The following CAMSAP2 variants were observed in gnomAD, a reference collection of about 807,000 sequenced individuals.
The protein encoded by CAMSAP2 is calmodulin regulated spectrin associated protein family member 2, also known as calmodulin-regulated spectrin-associated protein 2.
CAMSAP2 carries 26 observed loss-of-function variants against 146.1 expected under a neutral mutation model. That is an observed-to-expected ratio of 0.18 (90% CI 0.13 to 0.25). CAMSAP2 has a LOEUF of 0.25. Ranked by LOEUF, CAMSAP2 falls within the 10% of genes least tolerant of loss-of-function variation. The pLI is 1.00. For synonymous variants in CAMSAP2, 499 were observed against 596.6 expected (o/e 0.84, Z 2.38); for missense variants, 1,381 against 1,759.3 (o/e 0.78, Z 3.85).
chr1:200,857,908 G>T lies in CAMSAP2; in HGVS notation c.4286G>T (p.Gly1429Val). 6.2e-7 allele frequency: 1 copy of T among 1,613,772 alleles called. No individual in the cohort carries two copies. Among genetic ancestry groups the T allele is most frequent in the Non-Finnish European group, 8.5e-7 (1 of 1,179,814 alleles). The change falls in exon 17 of 17, where the codon GGA becomes GTA. Residue 1429 changes from glycine (G) to valine (V), a missense_variant. By Grantham distance (109) the Gly-to-Val change is moderately radical. Coordinates refer to ENST00000358823, the MANE Select transcript of CAMSAP2 (RefSeq NM_203459.4). The surrounding 1 kb of genome is among the most constrained non-coding windows in gnomAD (Gnocchi z 4.7). Reference protein sequence around the residue: ...PKSITKKMIEGLYKYNSDRKQ... With the variant: ...PKSITKKMIEVLYKYNSDRKQ... ...TCTATCACTAAAAAAATGATTGAAG[G>T]ACTTTACAAATATAATTCTGACAGG...
chr1:200,850,859 A>C (rs1382132919), intron 11 of CAMSAP2, among the ~76,000 whole-genome samples: 1 of 152,210 alleles, frequency 6.6e-6, no homozygotes, highest in Non-Finnish European at 1.5e-5. Flanking sequence ...CATAGCTCCA[A>C]TTGAGTCTCT....
In CAMSAP2 at chr1:200,848,753, A is replaced by G; in HGVS notation, c.1984A>G (p.Ser662Gly). The change falls in exon 11 of 17, where the codon AGT (serine) becomes GGT (glycine). Residue 662 changes from serine to glycine, a missense_variant. Physicochemically the swap from Ser to Gly is moderately conservative, Grantham distance 56. Around this residue, in one of 4 missense-constraint regions of CAMSAP2, gnomAD observed 447 missense variants for 462.2 expected, o/e 0.97. Transcript: ENST00000358823. ...IRTGNTREAL[S>G]PCPSTVSTKS... ...AACTGGCAACACCAGGGAAGCTTTG[A>G]GTCCTTGTCCAAGTACTGTAAGTAC... is the stretch of plus-strand genomic sequence containing the variant. The G allele has an allele frequency of 6.2e-7, 1 of 1,614,206 alleles. No individual in the cohort carries two copies. Among genetic ancestry groups the G allele is most frequent in the Non-Finnish European group, 8.5e-7 (1 of 1,180,016 alleles).
chr1:200,794,461 A>G (rs1343283119), intron 2 of CAMSAP2, among the ~76,000 whole-genome samples: 1 of 152,236 alleles, frequency 6.6e-6, no homozygotes, highest in Non-Finnish European at 1.5e-5. Flanking sequence ...TTTAGAAACC[A>G]TGATCTGGGG....
rs1256240999 is a variant in CAMSAP2, at chr1:200,857,108, T to C, written c.4013-198T>C. 3.3e-5 allele frequency among the ~76,000 whole-genome samples: 5 copies of C among 152,282 alleles called. No homozygotes were observed. Among genetic ancestry groups the C allele is most frequent in the African/African-American group, 9.6e-5 (4 of 41,566 alleles). On this transcript the variant is annotated intron_variant, in intron 15 of 16. Coordinates refer to ENST00000358823, the MANE Select transcript of CAMSAP2 (RefSeq NM_203459.4). This position sits in a 1 kb window ranked among gnomAD's most constrained non-coding sequence, Gnocchi z 4.7. ...TCTCACAGGGTACTCCAAAAGGCCA[T>C]AGGAACATCCTCCATATCTCTGGGT...
chr1:200,799,722 ATTTG>A (rs746341321), intron 2 of CAMSAP2, among the ~76,000 whole-genome samples: 18 of 151,696 alleles, frequency 1.2e-4, no homozygotes, highest in Admixed American at 2.0e-4. Context: ...TAAGTTTTGA[ATTTG>A]TTTGTTCTTG....
chr1:200,856,381 T>G (rs1364466491), intron 15 of CAMSAP2, among the ~76,000 whole-genome samples: 1 of 152,168 alleles, frequency 6.6e-6, no homozygotes, highest in Non-Finnish European at 1.5e-5. Context: ...TTTAGAGAAG[T>G]TCTACATAGT....
At chr1:200,793,029 TGAAAA>T (rs1322148264) in intron 2 of CAMSAP2, among the ~76,000 whole-genome samples, 9 of 152,174 alleles carry the variant, frequency 5.9e-5, no homozygotes, top group East Asian at 1.9e-4. Context: ...ATTTTTAAGA[TGAAAA>T]GAAAATGCTA....
intron 1 of CAMSAP2, among the ~76,000 whole-genome samples, chr1:200,745,383 T>C (rs927249342): frequency 6.6e-6 from 1 of 151,870 alleles, no homozygotes; most frequent in African/African-American, 2.4e-5. Flanking sequence ...TATTGTGATC[T>C]AAAAAGGTTT....
In CAMSAP2 at chr1:200,859,641, G is replaced by A. The variant is rs1410551826; in HGVS notation, c.*1582G>A. 6.6e-6 allele frequency: 1 copy of A among 152,132 alleles called. No homozygotes were observed. The highest frequency in any genetic ancestry group is 1.5e-5 in the Non-Finnish European group (1 of 67,894). 9.4% of individuals were successfully genotyped at this position (152,132 alleles called of 1,614,324 possible). On this transcript the variant is annotated 3_prime_UTR_variant, in exon 17 of 17. Transcript: ENST00000358823. ...TCCAATACCTGTGCAAGATACATGT[G>A]TAGCTCAAAACTATTTGTGATCTAC...
At chr1:200,840,792 C>T (rs948105046) in intron 6 of CAMSAP2, among the ~76,000 whole-genome samples, 8 of 151,976 alleles carry the variant, frequency 5.3e-5, no homozygotes, top group Non-Finnish European at 1.2e-4. Flanking sequence ...GAAATAAGAC[C>T]TTATTAAACA....
rs749230784 is a variant in CAMSAP2, at chr1:200,854,847, C to T, written c.3854C>T (p.Thr1285Met). 22 of 1,611,558 alleles carry T rather than the reference C, an allele frequency of 1.4e-5. No homozygotes were observed. The South Asian group carries it at 1.4e-4, about 10-fold the overall frequency. ...AGCCTTTCTTTGGCATCGCTGAACA[C>T]GGGTGATAACGAGAGTGTACATTCA... is the stretch of plus-strand genomic sequence containing the variant. ...VSSLSLASLN[T>M]GDNESVHSGK... The change falls in exon 14 of 17, where the codon ACG (threonine) becomes ATG (methionine). Residue 1285 changes from threonine to methionine, a missense_variant. Transcript: ENST00000358823.
At chr1:200,749,332 C>A (rs1386057771) in intron 1 of CAMSAP2, among the ~76,000 whole-genome samples, 3 of 152,166 alleles carry the variant, frequency 2.0e-5, no homozygotes, top group African/African-American at 4.8e-5. Context: ...CTGATGATAG[C>A]CATGGGCATT....
chr1:200,844,625 C>T lies in CAMSAP2; in HGVS notation c.1022-157C>T, dbSNP rs532230901. Reference sequence around the variant, plus strand: ...AAAAAGATCTTAAAGAAACTTGACCCTTTGAAAATTATTTAAGAAGAAAAC... The same window carrying T: ...AAAAAGATCTTAAAGAAACTTGACCTTTTGAAAATTATTTAAGAAGAAAAC... On this transcript the variant is annotated intron_variant, in intron 7 of 16. Transcript: ENST00000358823. Among the ~76,000 whole-genome samples the T allele has an allele frequency of 3.3e-5, 5 of 152,214 alleles. No homozygotes were observed. In the South Asian group the frequency reaches 6.2e-4, roughly 19 times the overall value.
At chr1:200,817,039 TAC>T (rs1558191658) in intron 4 of CAMSAP2, among the ~76,000 whole-genome samples, 1 of 140,340 alleles carries the variant, frequency 7.1e-6, no homozygotes, top group Non-Finnish European at 1.6e-5. Flanking sequence ...TATACCCACA[TAC>T]ACACGTGTAT....
chr1:200,843,540 TA>T (rs964868237), intron 7 of CAMSAP2, among the ~76,000 whole-genome samples: 14 of 152,320 alleles, frequency 9.2e-5, no homozygotes, highest in African/African-American at 3.1e-4. Context: ...GTATAATTTT[TA>T]AAAATTATTA....
intron 6 of CAMSAP2, 26 bp from the exon 7 acceptor site, chr1:200,841,968 G>C (rs745760020): frequency 6.6e-7 from 1 of 1,506,666 alleles, no homozygotes. Context: ...ACCTAATGTA[G>C]GCTTTCTCTT....
At chr1:200,769,446 C>T (rs1161992603) in intron 2 of CAMSAP2, among the ~76,000 whole-genome samples, 2 of 152,152 alleles carry the variant, frequency 1.3e-5, no homozygotes, top group African/African-American at 4.8e-5. Context: ...CCAACATTAT[C>T]TACCTGGAGA....
chr1:200,792,232 A>G (rs1665774221), intron 2 of CAMSAP2, among the ~76,000 whole-genome samples: 1 of 152,246 alleles, frequency 6.6e-6, no homozygotes, highest in Admixed American at 6.5e-5. Flanking sequence ...TACATTTACA[A>G]AAGTGTTTAT....
At chr1:200,834,339 G>A (rs1262615026) in intron 6 of CAMSAP2, among the ~76,000 whole-genome samples, 2 of 151,850 alleles carry the variant, frequency 1.3e-5, no homozygotes, top group Non-Finnish European at 2.9e-5. Context: ...TTCCAGCCTG[G>A]GTGACAGAAT....
Sources: gnomAD v4.1 joint callset for allele counts (sites outside exome capture counted in the v4.1 genomes callset) on GRCh38, gnomAD v4.1.1 for gene constraint, gnomAD v4.1.1 regional missense constraint, Gnocchi (gnomAD v3.1) non-coding constraint, MANE v1.5 for transcripts, NCBI Gene and HGNC (gene_info 2026-07-23, HGNC 2026-07-21) for gene names.